Variants in PAPSS2 observed in about 807,000 individuals in gnomAD.
The protein encoded by PAPSS2 is 3'-phosphoadenosine 5'-phosphosulfate synthase 2.
Under a neutral mutation model 66.5 loss-of-function variants are expected in PAPSS2, and 61 were observed. The ratio of observed to expected loss-of-function variants is 0.92; its 90% CI spans 0.75 to 1.14. The LOEUF is 1.14. PAPSS2 is among the 50% of genes most tolerant of loss of function. The probability of loss-of-function intolerance (pLI) is 0.00; values close to 1 mark genes in which losing one functional copy is unlikely to be tolerated. For missense variants in PAPSS2, 708 were observed against 789.6 expected (o/e 0.90, Z 1.24); for synonymous variants, 289 against 287.5 (o/e 1.01, Z -0.05).
intron 9 of PAPSS2, 104 bp from the exon 10 acceptor site, chr10:87,741,131 C>A: frequency 8.8e-7 from 1 of 1,139,060 alleles, no homozygotes; most frequent in Non-Finnish European, 1.3e-6. Flanking sequence ...GAACTGAAGG[C>A]AGTTCTTTAA....
At chr10:87,728,132 G>T (rs1378128328) in intron 9 of PAPSS2, among the ~76,000 whole-genome samples, 1 of 152,154 alleles carries the variant, frequency 6.6e-6, no homozygotes, top group Non-Finnish European at 1.5e-5. Flanking sequence ...TAACTCCTCA[G>T]ATTCCTTCAC....
Position 87,715,834 on chromosome 10 carries a change from C to T in PAPSS2, c.856C>T (p.Leu286=), listed in dbSNP as rs749876240. Reference sequence around the variant, plus strand: ...CTTACAGGTTATGCACTTTGACACCCTGCTAGATGGTATGTTTTTGTTGTT... The same window carrying T: ...CTTACAGGTTATGCACTTTGACACCTTGCTAGATGGTATGTTTTTGTTGTT... The part of the protein sequence containing the change: ...EYLQVMHFDT[L]LDGMALPDGV... Residue 286 remains leucine (L), a synonymous_variant, in exon 7 of 13, where the codon CTG becomes TTG. Coordinates refer to ENST00000456849, the MANE Select transcript of PAPSS2 (RefSeq NM_001015880.2). 2 of 1,569,572 alleles carry T rather than the reference C, an allele frequency of 1.3e-6. No homozygotes were observed. The highest frequency in any genetic ancestry group is 1.7e-5 in the Admixed American group (1 of 59,900).
At chr10:87,674,113 C>T (rs921847697) in intron 1 of PAPSS2, among the ~76,000 whole-genome samples, 1 of 152,120 alleles carries the variant, frequency 6.6e-6, no homozygotes, top group African/African-American at 2.4e-5. Context: ...AGCAGAGGTT[C>T]TTTAGTATCT....
chr10:87,681,455 A>G (rs1477310652), intron 1 of PAPSS2, among the ~76,000 whole-genome samples: 1 of 152,246 alleles, frequency 6.6e-6, no homozygotes, highest in East Asian at 1.9e-4. Flanking sequence ...TACTACAAGA[A>G]TTTGAAGAGG....
intron 7 of PAPSS2, among the ~76,000 whole-genome samples, chr10:87,720,294 G>T (rs1043364143): frequency 7.2e-5 from 11 of 152,290 alleles, no homozygotes; most frequent in Non-Finnish European, 1.2e-4. Flanking sequence ...GGGAGTAGGG[G>T]CTTGGGCTCC....
At chr10:87,671,937 C>T (rs769750043) in intron 1 of PAPSS2, among the ~76,000 whole-genome samples, 15 of 152,036 alleles carry the variant, frequency 9.9e-5, no homozygotes, top group African/African-American at 1.4e-4. Flanking sequence ...ATTTTATGCA[C>T]GTGGTATTGC....
chr10:87,741,473 C>T, intron 10 of PAPSS2, 103 bp downstream of exon 10: 1 of 944,832 alleles, frequency 1.1e-6, no homozygotes, highest in South Asian at 1.4e-5. Context: ...CAGCTCACTG[C>T]AACCTCTGCC....
chr10:87,709,168 C>T (rs770233575), intron 1 of PAPSS2, 28 bp from the exon 2 acceptor site: 6 of 1,421,348 alleles, frequency 4.2e-6, no homozygotes, highest in Non-Finnish European at 5.0e-6. Context: ...TTAATTAATA[C>T]TGTGCTTGGT....
chr10:87,677,682 A>G (rs1852966257), intron 1 of PAPSS2, among the ~76,000 whole-genome samples: 1 of 152,184 alleles, frequency 6.6e-6, no homozygotes, highest in Admixed American at 6.5e-5. Flanking sequence ...AGGCAGTATG[A>G]TTTCAAAATG....
At chr10:87,682,853 AGTAAAG>A (rs1156707848) in intron 1 of PAPSS2, among the ~76,000 whole-genome samples, 1 of 152,182 alleles carries the variant, frequency 6.6e-6, no homozygotes, top group African/African-American at 2.4e-5. Flanking sequence ...AGAGCAGGCC[AGTAAAG>A]GTGAAGCAGC....
rs759955222 is a variant in PAPSS2 at position 87,660,008 on chromosome 10, G to C, written c.27G>C (p.Thr9=). Residue 9 remains threonine, a splice_region_variant and synonymous_variant, in exon 1 of 13, where the codon ACG becomes ACC. Transcript: ENST00000456849. ...TGTCGGGGATCAAGAAGCAAAAGAC[G>C]GTAGGCTTCCAGGCGCCGGCTTCCC... is the stretch of plus-strand genomic sequence containing the variant. MSGIKKQK[T]ENQQKSTNVV... 3 of 1,612,852 alleles carry C rather than the reference G, an allele frequency of 1.9e-6. No homozygotes were observed. Among genetic ancestry groups the C allele is most frequent in the South Asian group, 2.2e-5 (2 of 90,926 alleles).
chr10:87,684,521 T>G (rs1370784226), intron 1 of PAPSS2, among the ~76,000 whole-genome samples: 1 of 152,252 alleles, frequency 6.6e-6, no homozygotes, highest in Non-Finnish European at 1.5e-5. Flanking sequence ...CTATAGATTA[T>G]TTGCTTTGCT....
At chr10:87,728,084 A>G (rs936182586) in intron 9 of PAPSS2, among the ~76,000 whole-genome samples, 3 of 152,232 alleles carry the variant, frequency 2.0e-5, no homozygotes, top group African/African-American at 7.2e-5. Context: ...ATCTGATAGG[A>G]TCAGGTAGGG....
At position 87,743,626 on chromosome 10, in the gene PAPSS2, T is replaced by A. The variant is rs185351326; in HGVS notation, c.1476T>A (p.Tyr492Ter). Residue 492 changes from tyrosine to a stop codon, truncating the protein, a stop_gained, in exon 11 of 13, where the codon TAT (tyrosine) becomes TAA (stop). Coordinates refer to ENST00000456849, the MANE Select transcript of PAPSS2 (RefSeq NM_001015880.2). LOFTEE classifies it high-confidence loss of function. ...CCATCTTTCCGTCTCCCATGTTATA[T>A]GCTGGCCCCACAGAGGTGAGCAATT... ...IVAIFPSPMLYAGPTEVQWHC... is the reference protein window; with the variant it reads ...IVAIFPSPML 16 of 1,614,164 alleles carry A rather than the reference T, an allele frequency of 9.9e-6. No individual in the cohort carries two copies. Among genetic ancestry groups the A allele is most frequent in the African/African-American group, 1.3e-5 (1 of 75,054 alleles).
chr10:87,700,330 G>A (rs1853287278), intron 1 of PAPSS2, among the ~76,000 whole-genome samples: 1 of 152,178 alleles, frequency 6.6e-6, no homozygotes. Flanking sequence ...AGAGAATGTG[G>A]AATGAACTAA....
intron 1 of PAPSS2, among the ~76,000 whole-genome samples, chr10:87,694,995 A>G (rs1476361498): frequency 6.6e-6 from 1 of 152,250 alleles, no homozygotes; most frequent in African/African-American, 2.4e-5. Context: ...CAGGGTAGCT[A>G]GAAGGAAAGC....
chr10:87,669,339 G>A (rs186654886), intron 1 of PAPSS2, among the ~76,000 whole-genome samples: 26 of 152,222 alleles, frequency 1.7e-4, no homozygotes, highest in Admixed American at 1.4e-3. Flanking sequence ...TCCTCAGTTC[G>A]CAAAGTACTA....
chr10:87,667,790 A>T (rs1423476214), intron 1 of PAPSS2, among the ~76,000 whole-genome samples: 2 of 152,238 alleles, frequency 1.3e-5, no homozygotes, highest in African/African-American at 4.8e-5. Context: ...AAGATTTTTT[A>T]AAACAGTTAC....
At position 87,714,727 on chromosome 10, in the gene PAPSS2, C is replaced by T. The variant is rs1313065182; in HGVS notation, c.521-18C>T. Reference sequence around the variant, plus strand: ...CTGTCAATACAGATGCGATGATTGTCACCCATATGCTTTGCAGGATTTACA... The same window carrying T: ...CTGTCAATACAGATGCGATGATTGTTACCCATATGCTTTGCAGGATTTACA... On this transcript the variant is annotated intron_variant, in intron 4 of 12. Transcript: ENST00000456849. 1 of 1,294,038 alleles carries T rather than the reference C, an allele frequency of 7.7e-7. No homozygotes were observed. Among genetic ancestry groups the T allele is most frequent in the East Asian group, 2.3e-5 (1 of 43,526 alleles). 80.2% of individuals were successfully genotyped at this position (1,294,038 alleles called of 1,614,324 possible). A position where few individuals can be genotyped will look rare whatever the true frequency, so the allele number is the denominator to read the frequency against.
Sources: gnomAD v4.1 joint callset for allele counts (sites outside exome capture counted in the v4.1 genomes callset) on GRCh38, gnomAD v4.1.1 for gene constraint, MANE v1.5 for transcripts, NCBI Gene and HGNC (gene_info 2026-07-23, HGNC 2026-07-21) for gene names.